The following DPP10 variants were observed in gnomAD, a reference collection of about 807,000 sequenced individuals.
DPP10 encodes inactive dipeptidyl peptidase 10.
Under a neutral mutation model 120.9 loss-of-function variants are expected in DPP10, and 33 were observed. That is an observed-to-expected ratio of 0.27 (90% confidence interval 0.21 to 0.37). The LOEUF (loss-of-function observed/expected upper bound fraction) is 0.37, where lower values mean the gene tolerates loss of function less well. Among genes scored for constraint, DPP10 ranks in the 10% least tolerant of loss-of-function variants. The pLI, the probability that DPP10 is intolerant of heterozygous loss-of-function variation, is 1.00. For missense variants in DPP10, 816 were observed against 942.8 expected (o/e 0.87, Z 1.76); for synonymous variants, 337 against 326.1 (o/e 1.03, Z -0.36).
Position 115,431,287 on chromosome 2 carries a change from G to A in DPP10, c.272-68223G>A, listed in dbSNP as rs536223928. Among the ~76,000 whole-genome samples the A allele has an allele frequency of 2.6e-5, 4 of 152,288 alleles. No individual in the cohort carries two copies. The South Asian group carries it at 8.3e-4, about 32-fold the overall frequency. On this transcript the variant is annotated intron_variant, in intron 3 of 25. Transcript: ENST00000410059. ...AAGGAGGTCATGGAGAAACAAGCAA[G>A]TACTGTTACCTGAGCATCGGTTTGA...
intron 1 of DPP10, among the ~76,000 whole-genome samples, chr2:115,264,170 T>C (rs2059367831): frequency 6.6e-6 from 1 of 152,210 alleles, no homozygotes; most frequent in Non-Finnish European, 1.5e-5. Context: ...GGTGGACATA[T>C]TCTTATAATC....
intron 1 of DPP10, among the ~76,000 whole-genome samples, chr2:115,022,117 C>T (rs1313466742): frequency 6.6e-6 from 1 of 151,990 alleles, no homozygotes; most frequent in Non-Finnish European, 1.5e-5. Context: ...ATAAGGATGC[C>T]CATTTTAACC....
intron 1 of DPP10, among the ~76,000 whole-genome samples, chr2:114,989,709 T>C (rs1700648405): frequency 6.6e-6 from 1 of 152,170 alleles, no homozygotes; most frequent in Non-Finnish European, 1.5e-5. Context: ...GGTGGTTCGT[T>C]ATCTAAATCA....
chr2:115,840,320 T>TTG (rs1553520945), intron 24 of DPP10, among the ~76,000 whole-genome samples: 6 of 3,078 alleles, frequency 1.9e-3, no homozygotes, highest in South Asian at 0.033. Context: ...GGTTTTTTGG[T>TTG]TTTTTTTTTT....
chr2:114,624,975 C>T (rs557873908), intron 1 of DPP10, among the ~76,000 whole-genome samples: 16 of 151,894 alleles, frequency 1.1e-4, no homozygotes, highest in African/African-American at 2.7e-4. Flanking sequence ...ATATGCATCT[C>T]CAAGAGATAA....
intron 1 of DPP10, among the ~76,000 whole-genome samples, chr2:114,569,305 C>T (rs1045972908): frequency 2.6e-5 from 4 of 152,184 alleles, no homozygotes; most frequent in Admixed American, 2.0e-4. Flanking sequence ...TCTATTTGCT[C>T]TACATTTGGG....
intron 5 of DPP10, among the ~76,000 whole-genome samples, chr2:115,587,892 C>T (rs1225663741): frequency 6.6e-6 from 1 of 152,086 alleles, no homozygotes; most frequent in East Asian, 1.9e-4. Flanking sequence ...ATAGAATTTA[C>T]AGTATCTGAG....
At position 114,464,658 on chromosome 2, in the gene DPP10, G is replaced by A. The variant is rs139980967; in HGVS notation, c.60+21820G>A. Among the ~76,000 whole-genome samples, 95 of 152,116 alleles carry A rather than the reference G, an allele frequency of 6.2e-4. 2 individuals are homozygous for A. Among genetic ancestry groups the A allele is most frequent in the African/African-American group, 2.3e-3 (94 of 41,498 alleles). On this transcript the variant is annotated intron_variant, in intron 1 of 25. Transcript: ENST00000410059. ...GTTATATCCTCTACTATACAGAGCTGTTCCACTTACTGTTAGAGCAAATCG... is the reference window on the plus strand; with the variant it reads ...GTTATATCCTCTACTATACAGAGCTATTCCACTTACTGTTAGAGCAAATCG...
intron 5 of DPP10, among the ~76,000 whole-genome samples, chr2:115,591,958 T>C (rs2082690916): frequency 6.6e-6 from 1 of 152,158 alleles, no homozygotes; most frequent in Admixed American, 6.5e-5. Flanking sequence ...TTTGGCTCTC[T>C]GTTTGTCTGT....
chr2:115,428,807 A>G (rs1208687202), intron 3 of DPP10, among the ~76,000 whole-genome samples: 3 of 152,218 alleles, frequency 2.0e-5, no homozygotes, highest in African/African-American at 7.2e-5. Context: ...ATGAGAGTAT[A>G]TTGAACAAAG....
intron 15 of DPP10, among the ~76,000 whole-genome samples, chr2:115,778,091 T>A (rs998348677): frequency 6.6e-6 from 1 of 152,072 alleles, no homozygotes; most frequent in Non-Finnish European, 1.5e-5. Context: ...CTTAATATCT[T>A]TTTTGTGGCT....
intron 7 of DPP10, among the ~76,000 whole-genome samples, chr2:115,707,150 T>G (rs74696892): frequency 0.012 from 1,870 of 151,964 alleles, 46 homozygotes; most frequent in African/African-American, 0.043. Context: ...ACTGACAATT[T>G]TAGCTGGTAA....
At chr2:115,740,532 A>G (rs1207286846) in intron 9 of DPP10, among the ~76,000 whole-genome samples, 1 of 152,126 alleles carries the variant, frequency 6.6e-6, no homozygotes, top group Admixed American at 6.6e-5. Context: ...TTGGCAGAGC[A>G]TACTCTAGAA....
rs12165223 is a variant in DPP10, at chr2:114,505,006, C to T, written c.60+62168C>T. ...GGCAGAGGTTGCAGTGAGCCAACAT[C>T]GCGCCACTGCACTCCAGCCTGGGCA... On this transcript the variant is annotated intron_variant, in intron 1 of 25. Coordinates refer to ENST00000410059, the MANE Select transcript of DPP10 (RefSeq NM_020868.6). 1.1e-3 allele frequency among the ~76,000 whole-genome samples: 158 copies of T among 139,022 alleles called. 1 individual carries two copies. The highest frequency in any genetic ancestry group is 1.9e-3 in the Admixed American group (26 of 13,352). The allele number at this position is 139,022 out of a possible 152,430, so 91.2% of individuals were successfully genotyped here.
chr2:114,793,031 T>TGTGTGTG, intron 1 of DPP10, among the ~76,000 whole-genome samples: 1 of 149,982 alleles, frequency 6.7e-6, no homozygotes, highest in African/African-American at 2.4e-5. Flanking sequence ...TGTGTGTGTG[T>TGTGTGTG]TTCTATTAAT....
chr2:114,654,778 C>A (rs1696849995), intron 1 of DPP10, among the ~76,000 whole-genome samples: 1 of 152,060 alleles, frequency 6.6e-6, no homozygotes, highest in Non-Finnish European at 1.5e-5. Context: ...TCTACCTGGC[C>A]AGTCCCAGCA....
chr2:115,026,145 A>G (rs567214995), intron 1 of DPP10, among the ~76,000 whole-genome samples: 1 of 152,290 alleles, frequency 6.6e-6, no homozygotes, highest in African/African-American at 2.4e-5. Context: ...TAGTAGTTTC[A>G]TAGTTTCAGG....
Position 114,966,967 on chromosome 2 carries a change from G to A in DPP10, c.61-342272G>A, listed in dbSNP as rs904197566. 2.0e-5 allele frequency among the ~76,000 whole-genome samples: 3 copies of A among 152,144 alleles called. No individual in the cohort carries two copies. The East Asian group carries it at 5.8e-4, about 29-fold the overall frequency. ...TGAGGCAGGAGAATCGCTTGAACTC[G>A]GGAGGCGGAGGTTGCAGTGATCCAT... On this transcript the variant is annotated intron_variant, in intron 1 of 25. Coordinates refer to ENST00000410059, the MANE Select transcript of DPP10 (RefSeq NM_020868.6).
chr2:114,727,343 A>G (rs926668214), intron 1 of DPP10, among the ~76,000 whole-genome samples: 1 of 152,120 alleles, frequency 6.6e-6, no homozygotes, highest in African/African-American at 2.4e-5. Context: ...GGGAACATCA[A>G]TCTCTCTCCT....
Sources: allele counts gnomAD v4.1 joint callset (sites outside exome capture counted in the v4.1 genomes callset), GRCh38; gene constraint gnomAD v4.1.1; transcripts MANE v1.5; gene names NCBI Gene and HGNC (gene_info 2026-07-23, HGNC 2026-07-21).